Variants in CYS1 observed in about 807,000 individuals in gnomAD.
CYS1 encodes the protein cystin 1.
In CYS1, 5 loss-of-function variants were observed where a neutral mutation model predicts 9.6. The observed-to-expected ratio is 0.52, with a 90% CI of 0.27 to 1.10. CYS1 has a LOEUF of 1.10. CYS1 is among the 50% of genes least tolerant of loss of function. CYS1 has a pLI of 0.11. For missense variants in CYS1, 221 were observed against 207.9 expected (o/e 1.06, Z -0.39); for synonymous variants, 88 against 95.7 (o/e 0.92, Z 0.47).
Position 10,076,057 on chromosome 2 carries a change from C to T in CYS1, c.318+3849G>A, listed in dbSNP as rs1010127240. On this transcript the variant is annotated intron_variant, in intron 1 of 2. Transcript: ENST00000381813. This position sits in a 1 kb window ranked among gnomAD's most constrained non-coding sequence, Gnocchi z 4.3. ...CAAAAAAATTAGCCAGGCGTGGTGG[C>T]ATGCTCCTATAGTCCCAGCTACTCG... Among the ~76,000 whole-genome samples the T allele has an allele frequency of 6.6e-6, 1 of 152,114 alleles. No homozygotes were observed. Among genetic ancestry groups the T allele is most frequent in the South Asian group, 2.1e-4 (1 of 4,818 alleles).
chr2:10,079,267 C>G (rs1661903870), intron 1 of CYS1, among the ~76,000 whole-genome samples: 2 of 152,076 alleles, frequency 1.3e-5, no homozygotes, highest in South Asian at 4.1e-4. Context: ...CCTCCCGGGC[C>G]TCAGGGAGGA....
At chr2:10,077,060 C>T (rs558590416) in intron 1 of CYS1, among the ~76,000 whole-genome samples, 1 of 152,308 alleles carries the variant, frequency 6.6e-6, no homozygotes, top group East Asian at 1.9e-4. Flanking sequence ...CCTCCAGCTG[C>T]TCTGGCCAAG....
intron 1 of CYS1, among the ~76,000 whole-genome samples, chr2:10,075,821 C>T (rs751326908): frequency 1.2e-4 from 19 of 152,312 alleles, no homozygotes; most frequent in Non-Finnish European, 2.5e-4. Context: ...TAACGTACTT[C>T]CCTTGACCTT....
At chr2:10,061,247 A>G (rs1478194657) in intron 2 of CYS1, among the ~76,000 whole-genome samples, 1 of 151,248 alleles carries the variant, frequency 6.6e-6, no homozygotes, top group Non-Finnish European at 1.5e-5. Context: ...AGAAAAACCA[A>G]CCAACCAAAC....
At chr2:10,066,336 C>T (rs190122069) in intron 1 of CYS1, among the ~76,000 whole-genome samples, 47 of 152,218 alleles carry the variant, frequency 3.1e-4, no homozygotes, top group South Asian at 1.2e-3. Context: ...CCACCTAGCA[C>T]GAGGGCACCC....
Position 10,057,937 on chromosome 2 carries a change from T to A in CYS1, c.*916A>T, listed in dbSNP as rs977427435. On this transcript the variant is annotated 3_prime_UTR_variant, in exon 3 of 3. Transcript: ENST00000381813. ...GCCTCACTGCTGTGGTTTCCCACCT[T>A]CCACCCAGGCAGGAAGAGAATTTAA... The A allele has an allele frequency of 2.6e-5, 4 of 152,314 alleles. No homozygotes were observed. Among genetic ancestry groups the A allele is most frequent in the African/African-American group, 9.6e-5 (4 of 41,458 alleles). 9.4% of individuals were successfully genotyped at this position (152,314 alleles called of 1,614,324 possible). A position where few individuals can be genotyped will look rare whatever the true frequency, so the allele number is the denominator to read the frequency against.
At chr2:10,062,210 T>C (rs1661637278) in intron 2 of CYS1, among the ~76,000 whole-genome samples, 1 of 151,910 alleles carries the variant, frequency 6.6e-6, no homozygotes, top group South Asian at 2.1e-4. Context: ...TCTCCCTATG[T>C]TACCCAGGCT....
At position 10,058,610 on chromosome 2, in the gene CYS1, C is replaced by T; in HGVS notation, c.*243G>A. On this transcript the variant is annotated 3_prime_UTR_variant, in exon 3 of 3. Transcript: ENST00000381813. ...GGCTCCCCGCGTTGGGGAGGAGGCG[C>T]CGGCGGCCCAGGCCCACGCACCTGT... 1 of 406,002 alleles carries T rather than the reference C, an allele frequency of 2.5e-6. No homozygotes were observed. The highest frequency in any genetic ancestry group is 6.7e-5 in the South Asian group (1 of 14,888). 25.1% of individuals were successfully genotyped at this position (406,002 alleles called of 1,614,324 possible). A position where few individuals can be genotyped will look rare whatever the true frequency, so the allele number is the denominator to read the frequency against.
chr2:10,058,898 C>CG lies in CYS1; in HGVS notation c.431dup (p.Glu145GlyfsTer41). On this transcript the variant is annotated frameshift_variant, in exon 3 of 3. Transcript: ENST00000381813. LOFTEE classifies it high-confidence loss of function. ...CGATGCTCGCCATCAGCCCCTCTTC[C>CG]GAGTGGTCGTAGGAGATGGCTGCCG... 1 of 1,595,704 alleles carries CG rather than the reference C, an allele frequency of 6.3e-7. No individual in the cohort carries two copies. Among genetic ancestry groups the CG allele is most frequent in the Admixed American group, 1.7e-5 (1 of 57,974 alleles).
At position 10,056,806 on chromosome 2, in the gene CYS1, CTT is replaced by C. The variant is rs926219211; in HGVS notation, c.*2045_*2046del. On this transcript the variant is annotated 3_prime_UTR_variant, in exon 3 of 3. Coordinates refer to ENST00000381813, the MANE Select transcript of CYS1 (RefSeq NM_001037160.3). Reference sequence around the variant, plus strand: ...GCTGGTACACACTGCTTTATTTGTTCTTTTTATTATTATTTTTAAGTTCACCT... The same window carrying C: ...GCTGGTACACACTGCTTTATTTGTTCTTTATTATTATTTTTAAGTTCACCT... The C allele has an allele frequency of 6.6e-6, 1 of 152,222 alleles. No individual in the cohort carries two copies. The highest frequency in any genetic ancestry group is 2.4e-5 in the African/African-American group (1 of 41,458). The allele number at this position is 152,222 out of a possible 1,614,324, so 9.4% of individuals were successfully genotyped here.
At chr2:10,070,310 C>T (rs905627391) in intron 1 of CYS1, among the ~76,000 whole-genome samples, 3 of 152,156 alleles carry the variant, frequency 2.0e-5, no homozygotes, top group Non-Finnish European at 4.4e-5. Flanking sequence ...TCTATCGCTG[C>T]GGTCCCCGTG....
chr2:10,079,485 A>G (rs1661907016), intron 1 of CYS1, among the ~76,000 whole-genome samples: 1 of 152,168 alleles, frequency 6.6e-6, no homozygotes, highest in Admixed American at 6.5e-5. Flanking sequence ...TATCAGTAAC[A>G]TGAGAATTGC....
At chr2:10,075,735 G>A (rs1234226811) in intron 1 of CYS1, among the ~76,000 whole-genome samples, 1 of 152,168 alleles carries the variant, frequency 6.6e-6, no homozygotes. Flanking sequence ...CAAAAATGGT[G>A]GATGACAGAG....
In CYS1 at chr2:10,076,726, G is replaced by A. The variant is rs778216712; in HGVS notation, c.318+3180C>T. Among the ~76,000 whole-genome samples, 5 of 152,064 alleles carry A rather than the reference G, an allele frequency of 3.3e-5. No individual in the cohort carries two copies. Among genetic ancestry groups the A allele is most frequent in the Non-Finnish European group, 5.9e-5 (4 of 68,034 alleles). ...TGCTCAACCCCTGGCCTCGTCCCAC[G>A]TTAGTTCACATACACGAAGCTCCCA... On this transcript the variant is annotated intron_variant, in intron 1 of 2. Coordinates refer to ENST00000381813, the MANE Select transcript of CYS1 (RefSeq NM_001037160.3). The surrounding 1 kb of genome is among the most constrained non-coding windows in gnomAD (Gnocchi z 4.3).
rs753814445 is a variant in CYS1, at chr2:10,063,447, G to C, written c.371+2457C>G. Among the ~76,000 whole-genome samples, 1 of 152,202 alleles carries C rather than the reference G, an allele frequency of 6.6e-6. No individual in the cohort carries two copies. Among genetic ancestry groups the C allele is most frequent in the Non-Finnish European group, 1.5e-5 (1 of 68,030 alleles). On this transcript the variant is annotated intron_variant, in intron 2 of 2. Coordinates refer to ENST00000381813, the MANE Select transcript of CYS1 (RefSeq NM_001037160.3). The surrounding 1 kb of genome is among the most constrained non-coding windows in gnomAD (Gnocchi z 4.2). ...TGAAAAATTTCAAACATACTGAAAA[G>C]TTAAAATTTGTAGATTCAACAATTA...
chr2:10,070,331 G>T (rs1661748946), intron 1 of CYS1, among the ~76,000 whole-genome samples: 1 of 152,254 alleles, frequency 6.6e-6, no homozygotes, highest in Non-Finnish European at 1.5e-5. Flanking sequence ...CTGAGATGGA[G>T]AACCTGTTTT....
chr2:10,072,453 TCTC>T lies in CYS1; in HGVS notation c.319-6500_319-6498del, dbSNP rs549545314. Among the ~76,000 whole-genome samples, 49 of 152,372 alleles carry T rather than the reference TCTC, an allele frequency of 3.2e-4. 1 individual carries two copies. The South Asian group carries it at 9.7e-3, about 30-fold the overall frequency. On this transcript the variant is annotated intron_variant, in intron 1 of 2. Coordinates refer to ENST00000381813, the MANE Select transcript of CYS1 (RefSeq NM_001037160.3). ...AAAATAAAATATACAGTGGATTTCT[TCTC>T]CTGAAAGAGTTCTTCCATTAACTCT...
intron 1 of CYS1, among the ~76,000 whole-genome samples, chr2:10,075,602 G>A (rs766482144): frequency 2.0e-4 from 31 of 152,182 alleles, no homozygotes; most frequent in Non-Finnish European, 4.6e-4. Context: ...CACTGTGACT[G>A]CTCTCTTTAC....
chr2:10,064,026 C>A (rs1021680013), intron 2 of CYS1, among the ~76,000 whole-genome samples: 5 of 152,162 alleles, frequency 3.3e-5, no homozygotes, highest in Non-Finnish European at 7.3e-5. Flanking sequence ...AGTTTGAGAC[C>A]AGCCTGGCCA....
Sources: gnomAD v4.1 joint callset for allele counts (sites outside exome capture counted in the v4.1 genomes callset) on GRCh38, gnomAD v4.1.1 for gene constraint, Gnocchi (gnomAD v3.1) non-coding constraint, MANE v1.5 for transcripts, NCBI Gene and HGNC (gene_info 2026-07-23, HGNC 2026-07-21) for gene names.